The following NEB variants were observed in gnomAD, a reference collection of about 807,000 sequenced individuals.
NEB encodes the protein nebulin.
In NEB, 512 loss-of-function variants were observed where a neutral mutation model predicts 952.2. That is an observed-to-expected ratio of 0.54 (90% CI 0.50 to 0.58). NEB has a LOEUF of 0.58. Ranked by LOEUF, NEB falls within the 20% of genes least tolerant of loss-of-function variation. The pLI is 0.00. For synonymous variants in NEB, 2,900 were observed against 3,149.8 expected (o/e 0.92, Z 2.66); for missense variants, 8,428 against 9,231.1 (o/e 0.91, Z 3.56).
rs967938602 is a variant in NEB, at chr2:151,498,491, CTGTT to C, written c.24115-143_24115-140del. 1.3e-4 allele frequency: 81 copies of C among 620,838 alleles called. 1 individual carries two copies. Among genetic ancestry groups the C allele is most frequent in the Admixed American group, 9.3e-4 (31 of 33,470 alleles). The allele number at this position is 620,838 out of a possible 1,614,324, so 38.5% of individuals were successfully genotyped here. On this transcript the variant is annotated intron_variant, in intron 169 of 181. Coordinates refer to ENST00000397345, the MANE Select transcript of NEB (RefSeq NM_001164508.2). ...AATACCAGAAGCTTTTAGACTCAACCTGTTTGTTTGAGCCTAAAGACATCTTCAA... is the reference window on the plus strand; with the variant it reads ...AATACCAGAAGCTTTTAGACTCAACCTGTTTGAGCCTAAAGACATCTTCAA...
intron 161 of NEB, among the ~76,000 whole-genome samples, chr2:151,510,829 AG>A (rs2073662754): frequency 6.6e-6 from 1 of 152,214 alleles, no homozygotes; most frequent in East Asian, 1.9e-4. Flanking sequence ...ACTACTGTAT[AG>A]TATCCTAAAT....
intron 10 of NEB, chr2:151,716,249 C>T: frequency 9.0e-6 from 3 of 332,724 alleles, no homozygotes; most frequent in Non-Finnish European, 1.8e-5. Context: ...AGTGATTCTC[C>T]TGCCTCAGCC....
At chr2:151,728,405 T>A (rs191204814) in intron 4 of NEB, among the ~76,000 whole-genome samples, 242 of 152,298 alleles carry the variant, frequency 1.6e-3, no homozygotes, top group African/African-American at 5.7e-3. Flanking sequence ...CATTCTCCAC[T>A]GTAGTAGGAG....
At chr2:151,493,484 GAAA>G in intron 175 of NEB, 39 bp from the exon 176 acceptor site, 1 of 1,365,986 alleles carries the variant, frequency 7.3e-7, no homozygotes, top group Non-Finnish European at 1.0e-6. Context: ...TCAGACAGCA[GAAA>G]ACCAGGTCTG....
intron 138 of NEB, among the ~76,000 whole-genome samples, chr2:151,540,104 T>C (rs2093831979): frequency 6.6e-6 from 1 of 152,196 alleles, no homozygotes; most frequent in African/African-American, 2.4e-5. Flanking sequence ...TGAAGAATTA[T>C]AAGAAAGGGT....
intron 133 of NEB, among the ~76,000 whole-genome samples, chr2:151,546,714 G>A (rs1027241932): frequency 3.3e-5 from 5 of 151,794 alleles, no homozygotes; most frequent in Admixed American, 6.6e-5. Flanking sequence ...GTACATCATC[G>A]TGCCTGGCTA....
At chr2:151,515,110 G>A (rs1414429523) in intron 157 of NEB, among the ~76,000 whole-genome samples, 182 bp from the exon 158 acceptor site, 1 of 152,110 alleles carries the variant, frequency 6.6e-6, no homozygotes, top group East Asian at 1.9e-4. Flanking sequence ...TGGAGCAAAT[G>A]GCCACAAGGA....
In NEB at chr2:151,573,233, A is replaced by G. The variant is rs184448167; in HGVS notation, c.17013+2462T>C. 2.7e-4 allele frequency among the ~76,000 whole-genome samples: 41 copies of G among 152,340 alleles called. 1 individual carries two copies. The highest frequency in any genetic ancestry group is 2.6e-3 in the Admixed American group (40 of 15,302). ...GGTGTTTGATTTCTTCCAAAATGGAAGTCATTCTCATTAATATCTTAATAA... is the reference window on the plus strand; with the variant it reads ...GGTGTTTGATTTCTTCCAAAATGGAGGTCATTCTCATTAATATCTTAATAA... On this transcript the variant is annotated intron_variant, in intron 107 of 181. Transcript: ENST00000397345.
Position 151,567,171 on chromosome 2 carries a change from A to G in NEB, c.18153T>C (p.Ser6051=), listed in dbSNP as rs1381905125. The change falls in exon 114 of 182, where the codon AGT becomes AGC. Residue 6051 remains serine (S), a synonymous_variant. Transcript: ENST00000397345. ...TGAAGAAACAAAAATCACTTACATC[A>G]CTCTGTAGGTCATAGGCCTTTCTTG... ...IQARKAYDLQ[S]DNVYRADLEW... 2.7e-5 allele frequency: 42 copies of G among 1,583,290 alleles called. No individual in the cohort carries two copies. The highest frequency in any genetic ancestry group is 3.6e-5 in the Non-Finnish European group (42 of 1,162,586).
chr2:151,670,978 G>A (rs777434116), intron 38 of NEB, 45 bp downstream of exon 38: 43 of 1,553,460 alleles, frequency 2.8e-5, no homozygotes, highest in African/African-American at 6.8e-5. Flanking sequence ...GCTCAGACAC[G>A]TGTGGTTATT....
At chr2:151,639,633 T>C (rs2098822907) in intron 62 of NEB, among the ~76,000 whole-genome samples, 1 of 152,220 alleles carries the variant, frequency 6.6e-6, no homozygotes, top group Admixed American at 6.5e-5. Flanking sequence ...AGACTATTTT[T>C]TGATAAAATA....
chr2:151,676,690 G>T (rs2154206835), intron 34 of NEB, among the ~76,000 whole-genome samples: 1 of 152,028 alleles, frequency 6.6e-6, no homozygotes, highest in South Asian at 2.1e-4. Context: ...TCTCTCACTT[G>T]CCTGGGAAAC....
At position 151,614,519 on chromosome 2, in the gene NEB, G is replaced by A. The variant is rs1183087589; in HGVS notation, c.11358C>T (p.Asp3786=). The change falls in exon 77 of 182, where the codon GAC becomes GAT. Residue 3786 remains aspartate, a synonymous_variant. Transcript: ENST00000397345. Reference sequence around the variant, plus strand: ...CATGGATGGACCACATCATCTTCGGGTCATCCTTAATGTTCCGGGCCCCAA... The same window carrying A: ...CATGGATGGACCACATCATCTTCGGATCATCCTTAATGTTCCGGGCCCCAA... ...HHIGARNIKD[D]PKMMWSIHVA... is the part of the protein sequence containing the mutation. 1 of 1,613,820 alleles carries A rather than the reference G, an allele frequency of 6.2e-7. No homozygotes were observed. The highest frequency in any genetic ancestry group is 1.1e-5 in the South Asian group (1 of 91,078).
intron 29 of NEB, among the ~76,000 whole-genome samples, chr2:151,682,410 T>C (rs1383729961): frequency 6.6e-6 from 1 of 152,232 alleles, no homozygotes; most frequent in Non-Finnish European, 1.5e-5. Flanking sequence ...AATGAATGGT[T>C]AACGTAAATG....
chr2:151,711,354 T>C (rs1471812215), intron 10 of NEB, among the ~76,000 whole-genome samples: 1 of 152,190 alleles, frequency 6.6e-6, no homozygotes, highest in East Asian at 1.9e-4. Context: ...CCATGGCTCA[T>C]AAAAATGTGT....
At chr2:151,514,957 TAAAA>T in intron 157 of NEB, 29 bp from the exon 158 acceptor site, 1 of 1,402,490 alleles carries the variant, frequency 7.1e-7, no homozygotes, top group Non-Finnish European at 9.8e-7. Flanking sequence ...AAAGACAAGT[TAAAA>T]AAAAATCTTT....
chr2:151,524,299 C>T lies in NEB; in HGVS notation c.22479+12G>A, dbSNP rs955041348. ...CTCACATGAGAGCCACCAGTGCACCCATCTGCATTACCTGGCTGCTCAGCT... is the reference window on the plus strand; with the variant it reads ...CTCACATGAGAGCCACCAGTGCACCTATCTGCATTACCTGGCTGCTCAGCT... On this transcript the variant is annotated intron_variant, in intron 153 of 181. Coordinates refer to ENST00000397345, the MANE Select transcript of NEB (RefSeq NM_001164508.2). 6.2e-7 allele frequency: 1 copy of T among 1,607,826 alleles called. No individual in the cohort carries two copies. Among genetic ancestry groups the T allele is most frequent in the Non-Finnish European group, 8.5e-7 (1 of 1,174,706 alleles).
intron 180 of NEB, 146 bp downstream of exon 180, chr2:151,490,226 G>T: frequency 1.7e-6 from 2 of 1,178,380 alleles, no homozygotes; most frequent in Non-Finnish European, 2.4e-6. Context: ...CTAACTTCAT[G>T]CAGCCCTCCA....
chr2:151,714,767 T>A (rs1022925060), intron 10 of NEB, among the ~76,000 whole-genome samples: 2 of 152,120 alleles, frequency 1.3e-5, no homozygotes, highest in Non-Finnish European at 2.9e-5. Flanking sequence ...CTAGGGTAGA[T>A]AAAGGAGATT....
Sources: allele counts gnomAD v4.1 joint callset (sites outside exome capture counted in the v4.1 genomes callset), GRCh38; gene constraint gnomAD v4.1.1; transcripts MANE v1.5; gene names NCBI Gene and HGNC (gene_info 2026-07-23, HGNC 2026-07-21).